Variants in CCDC7 observed in about 807,000 individuals in gnomAD.
CCDC7 encodes the protein coiled-coil domain containing 7, also known as coiled-coil domain-containing protein 7.
A neutral mutation model predicts 196.9 loss-of-function variants in CCDC7; 183 were observed. That is an observed-to-expected ratio of 0.93 (90% CI 0.82 to 1.05). CCDC7 has a LOEUF of 1.05. CCDC7 is among the 50% of genes least tolerant of loss of function. CCDC7 has a pLI of 0.00. For missense variants in CCDC7, 1,540 were observed against 1,482.2 expected (o/e 1.04, Z -0.64); for synonymous variants, 525 against 484.6 (o/e 1.08, Z -1.10).
chr10:32,499,372 A>T (rs1385723824), intron 9 of CCDC7: 1 of 152,116 alleles, frequency 6.6e-6, no homozygotes, highest in Admixed American at 6.5e-5. Flanking sequence ...AAATAAATTT[A>T]TCAGAAGGAG....
chr10:32,518,064 A>G, intron 10 of CCDC7, 89 bp downstream of exon 11: 1 of 1,416,330 alleles, frequency 7.1e-7, no homozygotes, highest in East Asian at 2.6e-5. Flanking sequence ...AATCCTATAT[A>G]AAGATCCAAT....
chr10:32,575,423 A>T (rs1256168889), intron 16 of CCDC7, among the ~76,000 whole-genome samples: 1 of 152,204 alleles, frequency 6.6e-6, no homozygotes, highest in Admixed American at 6.5e-5. Context: ...GCAATAGAGG[A>T]TATAATATCC....
intron 11 of CCDC7, among the ~76,000 whole-genome samples, chr10:32,532,925 G>C (rs1202627197): frequency 6.6e-6 from 1 of 151,584 alleles, no homozygotes; most frequent in African/African-American, 2.4e-5. Context: ...CCACTCTATG[G>C]GTTTTAATTG....
chr10:32,576,421 C>T (rs776474135), intron 16 of CCDC7, among the ~76,000 whole-genome samples: 1 of 151,828 alleles, frequency 6.6e-6, no homozygotes, highest in African/African-American at 2.4e-5. Flanking sequence ...TTGCTTGGTA[C>T]GGTAGCCTAT....
chr10:32,666,786 T>G (rs1442246828), intron 21 of CCDC7, among the ~76,000 whole-genome samples: 1 of 152,150 alleles, frequency 6.6e-6, no homozygotes, highest in Non-Finnish European at 1.5e-5. Flanking sequence ...TGTTGGACAT[T>G]TGGGTTGGTT....
At chr10:32,465,605 G>A (rs543055340) in intron 5 of CCDC7, among the ~76,000 whole-genome samples, 7 of 152,160 alleles carry the variant, frequency 4.6e-5, no homozygotes, top group African/African-American at 1.7e-4. Flanking sequence ...ACCAGTAAAT[G>A]TTGGAGTACC....
At position 32,574,590 on chromosome 10, in the gene CCDC7, G is replaced by A. The variant is rs577963831; in HGVS notation, c.1454+2697G>A. On this transcript the variant is annotated intron_variant, in intron 16 of 41. Coordinates refer to ENST00000639629, the Ensembl canonical transcript of CCDC7. ...CATTTATCAGTTTATTTTGGCTTAG[G>A]GAATGAGTTAGTGGTAAATAGTTAA... 2.0e-5 allele frequency: 19 copies of A among 930,552 alleles called. No individual in the cohort carries two copies. The African/African-American group carries it at 3.0e-4, about 14-fold the overall frequency. The allele number at this position is 930,552 out of a possible 1,614,324, so 57.6% of individuals were successfully genotyped here. A position where few individuals can be genotyped will look rare whatever the true frequency, so the allele number is the denominator to read the frequency against.
intron 29 of CCDC7, among the ~76,000 whole-genome samples, chr10:32,799,849 C>G (rs2084410719): frequency 6.6e-6 from 1 of 152,188 alleles, no homozygotes; most frequent in Non-Finnish European, 1.5e-5. Context: ...CAAACAAGAT[C>G]TCTCCAAACA....
intron 8 of CCDC7, among the ~76,000 whole-genome samples, chr10:32,482,371 A>G (rs2040133181): frequency 6.9e-6 from 1 of 144,790 alleles, no homozygotes; most frequent in Non-Finnish European, 1.5e-5. Flanking sequence ...TTTTTTCCTA[A>G]CTGTATATTT....
intron 3 of CCDC7, among the ~76,000 whole-genome samples, chr10:32,460,460 GT>G (rs2035386987): frequency 6.6e-6 from 1 of 152,104 alleles, no homozygotes; most frequent in African/African-American, 2.4e-5. Context: ...ACTAGGAGTG[GT>G]TTAAATTATT....
At position 32,720,144 on chromosome 10, in the gene CCDC7, A is replaced by G. The variant is rs561704011; in HGVS notation, c.2570-6590A>G. ...ATAGCAAAGACTTGGAACCAACCCA[A>G]ATGCCCATCAATGATAGACTGGATA... On this transcript the variant is annotated intron_variant, in intron 25 of 41. Transcript: ENST00000639629. 7.2e-5 allele frequency among the ~76,000 whole-genome samples: 11 copies of G among 152,278 alleles called. No homozygotes were observed. The East Asian group carries it at 2.1e-3, about 29-fold the overall frequency.
intron 18 of CCDC7, among the ~76,000 whole-genome samples, chr10:32,595,820 C>T (rs1368279356): frequency 6.6e-6 from 1 of 152,174 alleles, no homozygotes; most frequent in Non-Finnish European, 1.5e-5. Flanking sequence ...CATTCAGAAG[C>T]AGGTTGTTCA....
intron 32 of CCDC7, among the ~76,000 whole-genome samples, chr10:32,828,800 T>A (rs775733688): frequency 6.6e-6 from 1 of 152,164 alleles, no homozygotes; most frequent in African/African-American, 2.4e-5. Flanking sequence ...CCAGGAATCA[T>A]GGGGTGGAAG....
intron 28 of CCDC7, among the ~76,000 whole-genome samples, chr10:32,767,914 T>A (rs1445879738): frequency 6.6e-6 from 1 of 152,034 alleles, no homozygotes; most frequent in African/African-American, 2.4e-5. Context: ...AACAAAGAGA[T>A]TGAAGTAATA....
chr10:32,706,792 G>A (rs1170123640), intron 24 of CCDC7, among the ~76,000 whole-genome samples: 1 of 152,152 alleles, frequency 6.6e-6, no homozygotes, highest in Non-Finnish European at 1.5e-5. Flanking sequence ...TCCCTGAATA[G>A]TCCAATAACA....
intron 29 of CCDC7, among the ~76,000 whole-genome samples, chr10:32,782,829 G>A (rs1346877828): frequency 1.3e-5 from 2 of 152,184 alleles, no homozygotes; most frequent in Non-Finnish European, 2.9e-5. Context: ...AGAATTGAGA[G>A]ACTGGAATTA....
chr10:32,859,932 A>T (rs2093912672), intron 41 of CCDC7, among the ~76,000 whole-genome samples: 1 of 152,216 alleles, frequency 6.6e-6, no homozygotes, highest in African/African-American at 2.4e-5. Context: ...TAGCCTATTA[A>T]CCAAAAAAAG....
At chr10:32,696,013 C>A (rs1249297900) in intron 24 of CCDC7, among the ~76,000 whole-genome samples, 1 of 151,390 alleles carries the variant, frequency 6.6e-6, no homozygotes, top group Non-Finnish European at 1.5e-5. Context: ...TTTTTTAATC[C>A]CCAAGACAGT....
chr10:32,613,540 G>T (rs1167746577), intron 18 of CCDC7, among the ~76,000 whole-genome samples: 1 of 152,170 alleles, frequency 6.6e-6, no homozygotes, highest in African/African-American at 2.4e-5. Context: ...GCTTTCTCAT[G>T]TGGGCATTTA....
Sources: gnomAD v4.1 joint callset for allele counts (sites outside exome capture counted in the v4.1 genomes callset) on GRCh38, gnomAD v4.1.1 for gene constraint, MANE v1.5 for transcripts, NCBI Gene and HGNC (gene_info 2026-07-23, HGNC 2026-07-21) for gene names.